OPCML: variants seen among roughly 807,000 people sequenced by gnomAD.
The protein encoded by OPCML is opioid-binding protein/cell adhesion molecule.
OPCML carries 13 observed loss-of-function variants against 37.8 expected under a neutral mutation model. The observed-to-expected ratio is 0.34, with a 90% CI of 0.22 to 0.55. The LOEUF is 0.55. OPCML is among the 20% of genes least tolerant of loss of function. OPCML has a pLI of 0.91. For synonymous variants in OPCML, 176 were observed against 168.8 expected (o/e 1.04, Z -0.33); for missense variants, 341 against 435.6 (o/e 0.78, Z 1.93).
chr11:133,111,464 G>A (rs1949252196), intron 1 of OPCML, among the ~76,000 whole-genome samples: 1 of 152,170 alleles, frequency 6.6e-6, no homozygotes, highest in South Asian at 2.1e-4. Context: ...CTTTTGGCAT[G>A]TTGTCCCCAG....
chr11:133,385,850 A>G (rs948061054), intron 1 of OPCML, among the ~76,000 whole-genome samples: 16 of 152,222 alleles, frequency 1.1e-4, no homozygotes, highest in Non-Finnish European at 1.5e-5. Flanking sequence ...ATGGAGAAGA[A>G]GCTGGAGTAA....
intron 1 of OPCML, among the ~76,000 whole-genome samples, chr11:133,204,884 A>ATGTGTGTATATATATATATATGTG (rs1555114209): frequency 5.5e-5 from 2 of 36,260 alleles, no homozygotes; most frequent in African/African-American, 1.7e-4. Context: ...ATATATATAT[A>ATGTGTGTATATATATATATATGTG]TATATATATA....
rs988116717 is a variant in OPCML, at chr11:132,943,166, T to C, written c.62-156A>G. ...TCCCCCGCCCCGCGCACCAGCGGGC[T>C]CGGGAAGCGGTGCGGGGAGGAGGGA... On this transcript the variant is annotated intron_variant, in intron 1 of 7. Coordinates refer to ENST00000524381, the MANE Select transcript of OPCML (RefSeq NM_001012393.5). The surrounding 1 kb of genome is among the most constrained non-coding windows in gnomAD (Gnocchi z 4.3). 1 of 1,598,384 alleles carries C rather than the reference T, an allele frequency of 6.3e-7. No individual in the cohort carries two copies. Among genetic ancestry groups the C allele is most frequent in the African/African-American group, 1.3e-5 (1 of 74,524 alleles).
chr11:132,987,068 G>A (rs1174705805), intron 1 of OPCML, among the ~76,000 whole-genome samples: 7 of 152,092 alleles, frequency 4.6e-5, no homozygotes, highest in Admixed American at 3.9e-4. Flanking sequence ...ATCCATCCAC[G>A]CTCTCCCTCT....
intron 2 of OPCML, among the ~76,000 whole-genome samples, chr11:132,819,479 AAT>A (rs1939846153): frequency 6.6e-6 from 1 of 152,214 alleles, no homozygotes; most frequent in South Asian, 2.1e-4. Context: ...TAAAAGACAC[AAT>A]ATCTGAAATC....
intron 3 of OPCML, among the ~76,000 whole-genome samples, chr11:132,564,207 A>T (rs1168748497): frequency 6.6e-6 from 1 of 152,182 alleles, no homozygotes; most frequent in Non-Finnish European, 1.5e-5. Context: ...TTTAAGCAAT[A>T]AAGTCTCCAA....
chr11:133,441,828 A>T (rs1946370758), intron 1 of OPCML, among the ~76,000 whole-genome samples: 1 of 152,210 alleles, frequency 6.6e-6, no homozygotes, highest in South Asian at 2.1e-4. Context: ...TCTATATCAT[A>T]TATATGTGTA....
At chr11:132,433,332 GA>G (rs2096003467) in intron 7 of OPCML, among the ~76,000 whole-genome samples, 1 of 152,170 alleles carries the variant, frequency 6.6e-6, no homozygotes, top group South Asian at 2.1e-4. Context: ...CCACAGGTCA[GA>G]AAATATCACC....
chr11:133,054,868 T>C (rs959743195), intron 1 of OPCML, among the ~76,000 whole-genome samples: 1 of 151,544 alleles, frequency 6.6e-6, no homozygotes, highest in Non-Finnish European at 1.5e-5. Context: ...TGTACAATGC[T>C]GCCTCCATGA....
intron 4 of OPCML, among the ~76,000 whole-genome samples, chr11:132,456,144 C>T (rs1408690782): frequency 1.3e-5 from 2 of 152,148 alleles, no homozygotes; most frequent in African/African-American, 4.8e-5. Flanking sequence ...ACAGAGACAC[C>T]TACAGAGGTT....
At chr11:133,415,137 C>T (rs913215475) in intron 1 of OPCML, among the ~76,000 whole-genome samples, 2 of 152,076 alleles carry the variant, frequency 1.3e-5, no homozygotes, top group South Asian at 2.1e-4. Flanking sequence ...TGGCCAGGCA[C>T]GGTGGCTCAA....
At chr11:132,678,260 T>C (rs2917581) in intron 2 of OPCML, among the ~76,000 whole-genome samples, 87,337 of 152,054 alleles carry the variant, frequency 0.57, 25,880 homozygotes, top group African/African-American at 0.73. Context: ...GTGACAAGGA[T>C]GTGGAGCAAC....
intron 4 of OPCML, among the ~76,000 whole-genome samples, chr11:132,478,032 T>C (rs2096163357): frequency 6.6e-6 from 1 of 152,206 alleles, no homozygotes; most frequent in South Asian, 2.1e-4. Context: ...TGGAAGGTAT[T>C]TAAAGTTGAA....
At position 132,710,688 on chromosome 11, in the gene OPCML, CAA is replaced by C. The variant is rs11340177; in HGVS notation, c.147-53371_147-53370del. On this transcript the variant is annotated intron_variant, in intron 2 of 7. Coordinates refer to ENST00000524381, the MANE Select transcript of OPCML (RefSeq NM_001012393.5). Reference sequence around the variant, plus strand: ...GCCAACATGTATCTACTAAAAAATACAAAAAAAAAAAAAAAAATTAGCCAGGT... The same window carrying C: ...GCCAACATGTATCTACTAAAAAATACAAAAAAAAAAAAAAATTAGCCAGGT... Among the ~76,000 whole-genome samples, 1,239 of 135,274 alleles carry C rather than the reference CAA, an allele frequency of 9.2e-3. 12 individuals are homozygous for C. The highest frequency in any genetic ancestry group is 0.023 in the African/African-American group (883 of 37,762). The allele number at this position is 135,274 out of a possible 152,430, so 88.7% of individuals were successfully genotyped here. A position where few individuals can be genotyped will look rare whatever the true frequency, so the allele number is the denominator to read the frequency against.
chr11:132,676,836 A>G (rs985919501), intron 2 of OPCML, among the ~76,000 whole-genome samples: 4 of 151,468 alleles, frequency 2.6e-5, no homozygotes, highest in African/African-American at 9.7e-5. Flanking sequence ...ATAACTAGGG[A>G]GCAAGGCAAG....
At chr11:133,156,923 AC>A (rs1279100756) in intron 1 of OPCML, among the ~76,000 whole-genome samples, 1 of 151,864 alleles carries the variant, frequency 6.6e-6, no homozygotes, top group Non-Finnish European at 1.5e-5. Context: ...ACACCTGGAA[AC>A]CCTGCCTCTC....
intron 1 of OPCML, chr11:133,118,259 G>T (rs1949366741): frequency 1.0e-6 from 1 of 985,292 alleles, no homozygotes; most frequent in Admixed American, 6.2e-5. Context: ...TCTGTCCTGG[G>T]CTTTGTTCAC....
intron 1 of OPCML, among the ~76,000 whole-genome samples, chr11:133,159,950 G>A (rs1004945596): frequency 1.3e-5 from 2 of 152,214 alleles, no homozygotes; most frequent in Non-Finnish European, 2.9e-5. Context: ...ATCAAAGAGA[G>A]GACTCAAACA....
intron 1 of OPCML, among the ~76,000 whole-genome samples, chr11:133,505,426 G>A (rs1948004901): frequency 1.3e-5 from 2 of 152,202 alleles, no homozygotes; most frequent in Admixed American, 6.5e-5. Flanking sequence ...GGCTGAGTCT[G>A]GCTGAAGCTC....
Sources: gnomAD v4.1 joint callset for allele counts (sites outside exome capture counted in the v4.1 genomes callset) on GRCh38, gnomAD v4.1.1 for gene constraint, Gnocchi (gnomAD v3.1) non-coding constraint, MANE v1.5 for transcripts, NCBI Gene and HGNC (gene_info 2026-07-23, HGNC 2026-07-21) for gene names.